Variants in CENPN observed in about 807,000 individuals in gnomAD.
CENPN encodes the protein centromere protein N.
In CENPN, 36 loss-of-function variants were observed where a neutral mutation model predicts 48.6. The observed-to-expected ratio is 0.74, with a 90% CI of 0.57 to 0.98. The LOEUF is 0.98. Ranked by LOEUF, CENPN falls within the 50% of genes least tolerant of loss-of-function variation. CENPN has a pLI of 0.00. For missense variants in CENPN, 439 were observed against 399.2 expected, an observed-to-expected ratio of 1.10 and a Z score of -0.85; for synonymous variants, 166 against 135.2, an observed-to-expected ratio of 1.23 and a Z score of -1.58.
At chr16:81,026,217 A>G (rs1292672776) in intron 8 of CENPN, among the ~76,000 whole-genome samples, 1 of 150,008 alleles carries the variant, frequency 6.7e-6, no homozygotes, top group Non-Finnish European at 1.5e-5. Flanking sequence ...GTGTGTATAT[A>G]TATATACACA....
chr16:81,017,693 G>A (rs1301272338), intron 4 of CENPN, 65 bp from the exon 5 acceptor site: 9 of 1,105,166 alleles, frequency 8.1e-6, no homozygotes, highest in South Asian at 2.7e-5. Context: ...GGTACTTTAC[G>A]AATGTATTTA....
At chr16:81,010,173 G>C (rs953455738) in intron 1 of CENPN, among the ~76,000 whole-genome samples, 1 of 152,062 alleles carries the variant, frequency 6.6e-6, no homozygotes, top group African/African-American at 2.4e-5. Context: ...ACTCCAGCCC[G>C]GGCGACAGAG....
In CENPN at chr16:81,029,351, T is replaced by C. The variant is rs1970661082; in HGVS notation, c.*700T>C. The C allele has an allele frequency of 2.1e-6, 2 of 934,452 alleles. No homozygotes were observed. The highest frequency in any genetic ancestry group is 6.2e-5 in the Admixed American group (1 of 16,214). 57.9% of individuals were successfully genotyped at this position (934,452 alleles called of 1,614,324 possible). On this transcript the variant is annotated 3_prime_UTR_variant, in exon 11 of 11. Transcript: ENST00000305850. ...TTTGATCAAAGTACTTCAGTGATCA[T>C]CACTAAATACCCTATCTTTTTAAAA...
intron 1 of CENPN, among the ~76,000 whole-genome samples, chr16:81,008,706 C>T (rs1391999792): frequency 6.6e-6 from 1 of 152,160 alleles, no homozygotes; most frequent in Non-Finnish European, 1.5e-5. Flanking sequence ...CCCCAAACCA[C>T]CCAGGTTGTC....
rs759012987 is a variant in CENPN, at chr16:81,024,789, G to A, written c.697+11G>A. The A allele has an allele frequency of 1.3e-6, 2 of 1,576,258 alleles. No individual in the cohort carries two copies. Among genetic ancestry groups the A allele is most frequent in the Non-Finnish European group, 1.7e-6 (2 of 1,153,578 alleles). On this transcript the variant is annotated intron_variant, in intron 8 of 10. Transcript: ENST00000305850. The stretch of plus-strand genomic sequence containing the variant: ...GACTAGATATAAATAGTACGTGTGT[G>A]TTAATATGAAACTGAATTTTGGAAA...
chr16:81,031,921 AT>A (rs1336427798), downstream of CENPN, among the ~76,000 whole-genome samples: 2 of 152,018 alleles, frequency 1.3e-5, no homozygotes, highest in Non-Finnish European at 1.5e-5. Context: ...ATTTAACTTG[AT>A]TTTTCTCTTC....
intron 9 of CENPN, among the ~76,000 whole-genome samples, chr16:81,026,985 C>T (rs571812923): frequency 6.6e-5 from 10 of 151,668 alleles, no homozygotes; most frequent in Non-Finnish European, 1.0e-4. Flanking sequence ...TTAGTAGAGA[C>T]GGGGTTTCAT....
Position 81,028,836 on chromosome 16 carries a change from C to A in CENPN, c.*185C>A. 1.5e-6 allele frequency: 2 copies of A among 1,371,344 alleles called. No homozygotes were observed. Among genetic ancestry groups the A allele is most frequent in the Non-Finnish European group, 1.9e-6 (2 of 1,067,864 alleles). The allele number at this position is 1,371,344 out of a possible 1,614,324, so 84.9% of individuals were successfully genotyped here. A position where few individuals can be genotyped will look rare whatever the true frequency, so the allele number is the denominator to read the frequency against. On this transcript the variant is annotated 3_prime_UTR_variant, in exon 11 of 11. Coordinates refer to ENST00000305850, the MANE Select transcript of CENPN (RefSeq NM_001100624.3). Reference sequence around the variant, plus strand: ...TTCCTCCACGATATGCCTCCTCTCTCTGATATCCTGCTAACTGTAGCCGTT... The same window carrying A: ...TTCCTCCACGATATGCCTCCTCTCTATGATATCCTGCTAACTGTAGCCGTT...
chr16:81,021,964 G>T (rs1031491428), intron 6 of CENPN, among the ~76,000 whole-genome samples: 1 of 152,072 alleles, frequency 6.6e-6, no homozygotes, highest in South Asian at 2.1e-4. Flanking sequence ...TCACCATGTT[G>T]CCCAGGCTGG....
At chr16:81,024,645 C>G in intron 7 of CENPN, 70 bp from the exon 8 acceptor site, 1 of 1,026,576 alleles carries the variant, frequency 9.7e-7, no homozygotes, top group Middle Eastern at 2.6e-4. Context: ...CTTTAATATA[C>G]TAAAAAAAAA....
chr16:81,010,819 T>C (rs1969708319), intron 1 of CENPN, among the ~76,000 whole-genome samples: 1 of 152,174 alleles, frequency 6.6e-6, no homozygotes, highest in Non-Finnish European at 1.5e-5. Context: ...ACACCCCACA[T>C]GTAATCCATC....
intron 2 of CENPN, among the ~76,000 whole-genome samples, chr16:81,012,993 T>C (rs1024395953): frequency 2.0e-5 from 3 of 152,224 alleles, no homozygotes; most frequent in Admixed American, 1.3e-4. Flanking sequence ...TGTATAAATA[T>C]TGATAAATAT....
intron 3 of CENPN, among the ~76,000 whole-genome samples, chr16:81,015,999 G>T (rs1969915228): frequency 6.9e-6 from 1 of 144,506 alleles, no homozygotes; most frequent in South Asian, 2.2e-4. Flanking sequence ...GTGAGACTCT[G>T]TCTCAAAAAA....
Position 81,028,720 on chromosome 16 carries a change from G to T in CENPN, c.*69G>T, listed in dbSNP as rs1970629674. On this transcript the variant is annotated 3_prime_UTR_variant, in exon 11 of 11. Transcript: ENST00000305850. ...GCACATGCACTTCAGTTCATGGCTA[G>T]CTGTATAGCTTCCGTCTGTAAACTT... is the stretch of plus-strand genomic sequence containing the variant. 1.3e-6 allele frequency: 2 copies of T among 1,554,490 alleles called. No homozygotes were observed. Among genetic ancestry groups the T allele is most frequent in the African/African-American group, 2.8e-5 (2 of 71,498 alleles).
intron 2 of CENPN, among the ~76,000 whole-genome samples, chr16:81,013,702 T>C (rs1391990958): frequency 2.0e-5 from 3 of 151,256 alleles, no homozygotes; most frequent in Admixed American, 6.6e-5. Flanking sequence ...GCTTGGGCAA[T>C]AGAGCAAGAC....
rs767372028 is a variant in CENPN at position 81,030,072 on chromosome 16, C to T, written c.*1421C>T. 3 of 367,786 alleles carry T rather than the reference C, an allele frequency of 8.2e-6. No individual in the cohort carries two copies. The highest frequency in any genetic ancestry group is 1.6e-4 in the East Asian group (1 of 6,072). 22.8% of individuals were successfully genotyped at this position (367,786 alleles called of 1,614,324 possible). ...TATAAAACCACCAGAGCTCATGAAACTTATTCACTACCATGAGAATAGTAT... is the reference window on the plus strand; with the variant it reads ...TATAAAACCACCAGAGCTCATGAAATTTATTCACTACCATGAGAATAGTAT... On this transcript the variant is annotated 3_prime_UTR_variant, in exon 11 of 11. Transcript: ENST00000305850.
At position 81,017,789 on chromosome 16, in the gene CENPN, A is replaced by T; in HGVS notation, c.309A>T (p.Gln103His). 6.3e-7 allele frequency: 1 copy of T among 1,586,580 alleles called. No individual in the cohort carries two copies. The highest frequency in any genetic ancestry group is 8.5e-7 in the Non-Finnish European group (1 of 1,169,756). ...GEDVDLFDMK[Q>H]FKNSFKKILQ... Reference sequence around the variant, plus strand: ...ATGTTGACCTTTTTGATATGAAACAATTTAAAAATTCGTTCAAGAAAATTC... The same window carrying T: ...ATGTTGACCTTTTTGATATGAAACATTTTAAAAATTCGTTCAAGAAAATTC... The change falls in exon 5 of 11, where the codon CAA becomes CAT. Residue 103 changes from glutamine (Q) to histidine (H), a missense_variant. Gln to His is a conservative substitution (Grantham distance 24). Transcript: ENST00000305850.
Position 81,024,732 on chromosome 16 carries a change from C to A in CENPN, c.651C>A (p.Asn217Lys), listed in dbSNP as rs1970383639. 1.9e-6 allele frequency: 3 copies of A among 1,609,794 alleles called. No individual in the cohort carries two copies. The East Asian group carries it at 6.7e-5, about 36-fold the overall frequency. ...TTCCCTAGACCTTTGAAACTCACAACTCTACGACACCTCTACAGGAAAGAA... is the reference window on the plus strand; with the variant it reads ...TTCCCTAGACCTTTGAAACTCACAAATCTACGACACCTCTACAGGAAAGAA... Reference protein sequence around the residue: ...KQYNQTFETHNSTTPLQERSL... With the variant: ...KQYNQTFETHKSTTPLQERSL... The change falls in exon 8 of 11, where the codon AAC becomes AAA. Residue 217 changes from asparagine to lysine, a missense_variant. Transcript: ENST00000305850.
At chr16:81,026,800 A>T (rs1182903175) in intron 9 of CENPN, among the ~76,000 whole-genome samples, 162 bp downstream of exon 9, 1 of 152,212 alleles carries the variant, frequency 6.6e-6, no homozygotes, top group Admixed American at 6.5e-5. Context: ...TATTGTATTT[A>T]TAAGTTCCTC....
Sources: allele counts gnomAD v4.1 joint callset (sites outside exome capture counted in the v4.1 genomes callset), GRCh38; gene constraint gnomAD v4.1.1; transcripts MANE v1.5; gene names NCBI Gene and HGNC (gene_info 2026-07-23, HGNC 2026-07-21).